RFX7: variants seen among roughly 807,000 people sequenced by gnomAD.
RFX7 encodes regulatory factor X7, also known as DNA-binding protein RFX7.
RFX7 carries 26 observed loss-of-function variants against 111.8 expected under a neutral mutation model. The ratio of observed to expected loss-of-function variants is 0.23; its 90% CI spans 0.17 to 0.32. The LOEUF is 0.32. Among genes scored for constraint, RFX7 ranks in the 10% least tolerant of loss-of-function variants. The probability of loss-of-function intolerance (pLI) is 1.00; values close to 1 mark genes in which losing one functional copy is unlikely to be tolerated. For synonymous variants in RFX7, 624 were observed against 624.4 expected (o/e 1.00, Z 0.01); for missense variants, 1,573 against 1,772.9 (o/e 0.89, Z 2.02).
At chr15:56,172,603 T>C (rs555643246) in intron 3 of RFX7, among the ~76,000 whole-genome samples, 2 of 152,212 alleles carry the variant, frequency 1.3e-5, no homozygotes, top group South Asian at 4.1e-4. Flanking sequence ...AGGTATAGAA[T>C]TGAGCAAGTA....
chr15:56,162,376 G>C (rs2042730366), intron 3 of RFX7, among the ~76,000 whole-genome samples: 1 of 152,006 alleles, frequency 6.6e-6, no homozygotes, highest in Non-Finnish European at 1.5e-5. Context: ...AGAAAAATTA[G>C]AATACTGTAA....
intron 3 of RFX7, among the ~76,000 whole-genome samples, chr15:56,147,430 C>T (rs1419866404): frequency 6.6e-6 from 1 of 152,120 alleles, no homozygotes; most frequent in African/African-American, 2.4e-5. Flanking sequence ...AGGCAGATGA[C>T]TGCTTAAAGG....
intron 3 of RFX7, among the ~76,000 whole-genome samples, chr15:56,162,364 A>G (rs2042730183): frequency 6.6e-6 from 1 of 152,124 alleles, no homozygotes; most frequent in African/African-American, 2.4e-5. Context: ...AAGTGCAAAG[A>G]TAGAAAAATT....
At chr15:56,136,026 G>C (rs1445858648) in intron 5 of RFX7, among the ~76,000 whole-genome samples, 1 of 152,090 alleles carries the variant, frequency 6.6e-6, no homozygotes, top group Admixed American at 6.5e-5. Flanking sequence ...TAGCCTTGTA[G>C]TATAGTTTGA....
intron 2 of RFX7, among the ~76,000 whole-genome samples, chr15:56,198,327 C>T (rs16976808): frequency 0.07 from 10,621 of 152,088 alleles, 486 homozygotes; most frequent in Admixed American, 0.11. Flanking sequence ...TTGCCTCAGA[C>T]GCCCTCAAAA....
intron 5 of RFX7, among the ~76,000 whole-genome samples, chr15:56,137,851 T>C (rs2042328167): frequency 6.6e-6 from 1 of 152,110 alleles, no homozygotes; most frequent in Admixed American, 6.5e-5. Flanking sequence ...CATCTTTATT[T>C]CTGCCTTCAT....
intron 5 of RFX7, among the ~76,000 whole-genome samples, chr15:56,107,556 A>G (rs1273818032): frequency 6.6e-6 from 1 of 152,154 alleles, no homozygotes; most frequent in African/African-American, 2.4e-5. Flanking sequence ...GTGGTAAAAT[A>G]TAGTCATGGG....
intron 2 of RFX7, among the ~76,000 whole-genome samples, chr15:56,181,356 T>C (rs1166193915): frequency 1.3e-5 from 2 of 152,190 alleles, no homozygotes; most frequent in Non-Finnish European, 2.9e-5. Context: ...CTTCCCCATA[T>C]AAAATACTCC....
At position 56,212,477 on chromosome 15, in the gene RFX7, G is replaced by T. The variant is rs149915009; in HGVS notation, c.161+30648C>A. ...CAAACCCATAGAATGTGTAACACCCGGAGTGAAGCTTAATGTAAATTATGG... is the reference window on the plus strand; with the variant it reads ...CAAACCCATAGAATGTGTAACACCCTGAGTGAAGCTTAATGTAAATTATGG... On this transcript the variant is annotated intron_variant, in intron 2 of 9. Coordinates refer to ENST00000559447, the MANE Select transcript of RFX7 (RefSeq NM_022841.7). 4.5e-4 allele frequency among the ~76,000 whole-genome samples: 68 copies of T among 152,148 alleles called. No individual in the cohort carries two copies. The East Asian group carries it at 0.013, about 28-fold the overall frequency.
In RFX7 at chr15:56,101,560, C is replaced by G; in HGVS notation, c.610G>C (p.Gly204Arg). The G allele has an allele frequency of 6.2e-7, 1 of 1,613,080 alleles. No individual in the cohort carries two copies. The highest frequency in any genetic ancestry group is 8.5e-7 in the Non-Finnish European group (1 of 1,179,322). ...DFHKTGDGLE[G>R]AEPSGQLQNI... Reference sequence around the variant, plus strand: ...TGAAGCTGCCCAGAAGGTTCAGCTCCTTCCAACTAGGCAAAGAAAAAAGGA... The same window carrying G: ...TGAAGCTGCCCAGAAGGTTCAGCTCGTTCCAACTAGGCAAAGAAAAAAGGA... Residue 204 changes from glycine (G) to arginine (R), a missense_variant, in exon 8 of 10, where the codon GGA becomes CGA. This residue lies in a region of RFX7 where 288 missense variants were observed against 337.9 expected (regional missense o/e 0.85). Transcript: ENST00000559447.
intron 5 of RFX7, among the ~76,000 whole-genome samples, chr15:56,129,849 T>C (rs1372899122): frequency 3.9e-5 from 6 of 152,336 alleles, no homozygotes; most frequent in African/African-American, 1.2e-4. Context: ...TCTGATGATG[T>C]TTCCTATGGT....
At chr15:56,130,707 T>G (rs2042200583) in intron 5 of RFX7, among the ~76,000 whole-genome samples, 1 of 147,436 alleles carries the variant, frequency 6.8e-6, no homozygotes, top group Non-Finnish European at 1.5e-5. Context: ...GACAAGAAAA[T>G]AAAACATATC....
At chr15:56,103,129 ATTTTTTTTT>A (rs11336124) in intron 6 of RFX7, among the ~76,000 whole-genome samples, 28 of 94,446 alleles carry the variant, frequency 3.0e-4, no homozygotes, top group African/African-American at 5.8e-4. Flanking sequence ...GTTCCATAAG[ATTTTTTTTT>A]TTTTTTTTTT....
chr15:56,179,625 A>T (rs1366964719), intron 2 of RFX7, among the ~76,000 whole-genome samples: 1 of 152,256 alleles, frequency 6.6e-6, no homozygotes, highest in Middle Eastern at 3.4e-3. Context: ...AGCTTACAAT[A>T]ATTATGATTT....
At chr15:56,218,293 A>G (rs939512769) in intron 2 of RFX7, among the ~76,000 whole-genome samples, 1 of 150,694 alleles carries the variant, frequency 6.6e-6, no homozygotes, top group Non-Finnish European at 1.5e-5. Context: ...ACCATGCCCA[A>G]GTAATGTTTT....
At chr15:56,172,952 G>T (rs1400754572) in intron 3 of RFX7, among the ~76,000 whole-genome samples, 1 of 152,060 alleles carries the variant, frequency 6.6e-6, no homozygotes, top group Non-Finnish European at 1.5e-5. Flanking sequence ...AGAAACAAGT[G>T]TTTTCAGAAA....
intron 2 of RFX7, among the ~76,000 whole-genome samples, chr15:56,204,081 C>A (rs1596007231): frequency 7.0e-6 from 1 of 143,392 alleles, no homozygotes; most frequent in South Asian, 2.2e-4. Context: ...AGTGCAGTGG[C>A]CCAATCGTGG....
At chr15:56,171,553 G>C (rs1235665412) in intron 3 of RFX7, among the ~76,000 whole-genome samples, 1 of 134,704 alleles carries the variant, frequency 7.4e-6, no homozygotes, top group Non-Finnish European at 1.6e-5. Context: ...TTCTTCCCTA[G>C]GGTCTCCAGA....
At chr15:56,178,599 T>G (rs1184158528) in intron 3 of RFX7, among the ~76,000 whole-genome samples, 1 of 152,130 alleles carries the variant, frequency 6.6e-6, no homozygotes, top group African/African-American at 2.4e-5. Flanking sequence ...GGCTATCCTT[T>G]TGGTAGAGAT....
Sources: allele counts gnomAD v4.1 joint callset (sites outside exome capture counted in the v4.1 genomes callset), GRCh38; gene constraint gnomAD v4.1.1; regional missense constraint gnomAD v4.1.1; transcripts MANE v1.5; gene names NCBI Gene and HGNC (gene_info 2026-07-23, HGNC 2026-07-21).